The following NEK5 variants were observed in gnomAD, a reference collection of about 807,000 sequenced individuals.
The protein encoded by NEK5 is serine/threonine-protein kinase Nek5.
Under a neutral mutation model 109.2 loss-of-function variants are expected in NEK5, and 88 were observed. That is an observed-to-expected ratio of 0.81 (90% confidence interval 0.68 to 0.96). The LOEUF is 0.96. NEK5 is among the 40% of genes least tolerant of loss of function. The pLI is 0.00. For synonymous variants in NEK5, 283 were observed against 299.9 expected (o/e 0.94, Z 0.58); for missense variants, 834 against 920.7 (o/e 0.91, Z 1.22).
rs552323529 is a variant in NEK5, at chr13:52,102,435, C to G, written c.610-143G>C. The stretch of plus-strand genomic sequence containing the variant: ...TAGAAGCACTAGGGTCACCTGTAAT[C>G]CCAGCAATTTGGGAGGCCAAGGCAG... On this transcript the variant is annotated intron_variant, in intron 9 of 23. Transcript: ENST00000684899. 131 of 692,548 alleles carry G rather than the reference C, an allele frequency of 1.9e-4. 1 individual carries two copies. The South Asian group carries it at 2.3e-3, about 12-fold the overall frequency. The allele number at this position is 692,548 out of a possible 1,614,324, so 42.9% of individuals were successfully genotyped here. A position where few individuals can be genotyped will look rare whatever the true frequency, so the allele number is the denominator to read the frequency against.
At chr13:52,128,043 C>G (rs1159473883) in intron 1 of NEK5, among the ~76,000 whole-genome samples, 1 of 152,172 alleles carries the variant, frequency 6.6e-6, no homozygotes, top group Non-Finnish European at 1.5e-5. Context: ...ATTCGAGAGA[C>G]AGTCCCGCAC....
intron 8 of NEK5, among the ~76,000 whole-genome samples, 199 bp from the exon 9 acceptor site, chr13:52,104,751 T>A (rs1955618294): frequency 6.6e-6 from 1 of 152,198 alleles, no homozygotes; most frequent in Non-Finnish European, 1.5e-5. Context: ...TTTGTCAGAT[T>A]TCTAGTCAAA....
At chr13:52,058,637 G>C (rs1954583954) in intron 22 of NEK5, among the ~76,000 whole-genome samples, 1 of 151,918 alleles carries the variant, frequency 6.6e-6, no homozygotes, top group South Asian at 2.1e-4. Flanking sequence ...AGAGCCCTCA[G>C]AAATAACGCC....
At chr13:52,060,537 T>A (rs1402336908) in intron 22 of NEK5, among the ~76,000 whole-genome samples, 1 of 152,106 alleles carries the variant, frequency 6.6e-6, no homozygotes, top group Non-Finnish European at 1.5e-5. Context: ...GTATTTTTAG[T>A]AGAGACGAGG....
chr13:52,110,308 C>T, intron 7 of NEK5, 32 bp downstream of exon 7: 1 of 1,436,336 alleles, frequency 7.0e-7, no homozygotes, highest in African/African-American at 1.4e-5. Flanking sequence ...GCTATTTTGA[C>T]TAGAAAGAAA....
chr13:52,061,571 A>T (rs938218563), intron 22 of NEK5, among the ~76,000 whole-genome samples: 3 of 152,184 alleles, frequency 2.0e-5, no homozygotes, highest in Non-Finnish European at 4.4e-5. Context: ...CACTAGCCCT[A>T]CTTAAACTTT....
intron 17 of NEK5, among the ~76,000 whole-genome samples, chr13:52,081,660 C>A (rs958411141): frequency 6.6e-6 from 1 of 152,132 alleles, no homozygotes; most frequent in Non-Finnish European, 1.5e-5. Context: ...CACCAATTAC[C>A]ACCATTGGCA....
In NEK5 at chr13:52,036,077, C is replaced by T. The variant is rs1294278265; in HGVS notation, c.*871G>A. 1 of 152,122 alleles carries T rather than the reference C, an allele frequency of 6.6e-6. No individual in the cohort carries two copies. Among genetic ancestry groups the T allele is most frequent in the Non-Finnish European group, 1.5e-5 (1 of 68,024 alleles). The allele number at this position is 152,122 out of a possible 1,614,324, so 9.4% of individuals were successfully genotyped here. A position where few individuals can be genotyped will look rare whatever the true frequency, so the allele number is the denominator to read the frequency against. ...GGCTAAAATTAAGTTGTTGGCAGGG[C>T]TGTGTTCCTTCTGGAGGCTCTAGGG... On this transcript the variant is annotated 3_prime_UTR_variant, in exon 24 of 24. Coordinates refer to ENST00000684899, the MANE Select transcript of NEK5 (RefSeq NM_001365552.1).
At chr13:52,121,792 A>G (rs925889792) in intron 3 of NEK5, among the ~76,000 whole-genome samples, 1 of 152,238 alleles carries the variant, frequency 6.6e-6, no homozygotes, top group Admixed American at 6.5e-5. Flanking sequence ...ATAGGCAAGC[A>G]TATATACATA....
intron 9 of NEK5, among the ~76,000 whole-genome samples, chr13:52,103,244 C>T (rs1955578685): frequency 6.6e-6 from 1 of 152,170 alleles, no homozygotes; most frequent in African/African-American, 2.4e-5. Flanking sequence ...ACCTGGCCAA[C>T]ATGGCAAAAC....
At chr13:52,114,403 T>C (rs1955811409) in intron 4 of NEK5, among the ~76,000 whole-genome samples, 1 of 152,228 alleles carries the variant, frequency 6.6e-6, no homozygotes, top group Non-Finnish European at 1.5e-5. Flanking sequence ...AACTTTACTG[T>C]GGATATCAGT....
intron 11 of NEK5, 87 bp from the exon 12 acceptor site, chr13:52,099,963 A>G (rs747807065): frequency 1.0e-5 from 10 of 973,462 alleles, no homozygotes; most frequent in Non-Finnish European, 1.5e-5. Context: ...AACATAAGCT[A>G]CATTTCATAA....
intron 12 of NEK5, among the ~76,000 whole-genome samples, chr13:52,094,282 A>T (rs1038899385): frequency 6.6e-6 from 1 of 152,178 alleles, no homozygotes; most frequent in Non-Finnish European, 1.5e-5. Flanking sequence ...AAGCGTGGCA[A>T]CTCTGTCTAG....
intron 18 of NEK5, 31 bp from the exon 19 acceptor site, chr13:52,075,857 TA>T (rs1371797036): frequency 7.5e-7 from 1 of 1,332,470 alleles, no homozygotes; most frequent in Non-Finnish European, 1.0e-6. Context: ...AAAAAAAGTT[TA>T]GCAATTCAGT....
chr13:52,082,785 C>T (rs1955040516), intron 17 of NEK5, among the ~76,000 whole-genome samples: 1 of 152,236 alleles, frequency 6.6e-6, no homozygotes, highest in Admixed American at 6.5e-5. Flanking sequence ...AATCACCCAG[C>T]AAGCTTCTGC....
At chr13:52,085,698 C>A (rs1239519500) in intron 16 of NEK5, among the ~76,000 whole-genome samples, 1 of 152,176 alleles carries the variant, frequency 6.6e-6, no homozygotes, top group East Asian at 1.9e-4. Context: ...CACAGGCTGG[C>A]TATTTCATGT....
intron 21 of NEK5, 41 bp downstream of exon 21, chr13:52,065,443 G>A (rs574448770): frequency 1.2e-6 from 2 of 1,613,918 alleles, no homozygotes; most frequent in African/African-American, 1.3e-5. Context: ...ACGGGTCCTT[G>A]GTCTTCCCTT....
In NEK5 at chr13:52,076,047, C is replaced by T. The variant is rs1954863166; in HGVS notation, c.1653+16G>A. On this transcript the variant is annotated intron_variant, in intron 18 of 23. Transcript: ENST00000684899. ...AGCTATTTAATATGGAACCCAAAGA[C>T]AAAAGTATTTCTTACCTTAGCTTTA... The T allele has an allele frequency of 6.6e-7, 1 of 1,511,918 alleles. No homozygotes were observed. The highest frequency in any genetic ancestry group is 1.4e-5 in the African/African-American group (1 of 72,356). 93.7% of individuals were successfully genotyped at this position (1,511,918 alleles called of 1,614,324 possible). A position where few individuals can be genotyped will look rare whatever the true frequency, so the allele number is the denominator to read the frequency against.
chr13:52,081,743 T>C (rs1404710949), intron 17 of NEK5, among the ~76,000 whole-genome samples: 2 of 152,226 alleles, frequency 1.3e-5, no homozygotes, highest in African/African-American at 2.4e-5. Context: ...CAATTCCTGA[T>C]ACAAACTTTT....
Sources: gnomAD v4.1 joint callset for allele counts (sites outside exome capture counted in the v4.1 genomes callset) on GRCh38, gnomAD v4.1.1 for gene constraint, MANE v1.5 for transcripts, NCBI Gene and HGNC (gene_info 2026-07-23, HGNC 2026-07-21) for gene names.